MYEF2: variants seen among roughly 807,000 people sequenced by gnomAD.
MYEF2 encodes the protein myelin gene expression factor 2.
Under a neutral mutation model 75.2 loss-of-function variants are expected in MYEF2, and 37 were observed. The ratio of observed to expected loss-of-function variants is 0.49; its 90% CI spans 0.38 to 0.65. The LOEUF is 0.65. MYEF2 is among the 30% of genes least tolerant of loss of function. The pLI, the probability that MYEF2 is intolerant of heterozygous loss-of-function variation, is 0.00. For missense variants in MYEF2, 634 were observed against 771.4 expected, an observed-to-expected ratio of 0.82 and a Z score of 2.11; for synonymous variants, 195 against 241.6, an observed-to-expected ratio of 0.81 and a Z score of 1.79.
chr15:48,162,168 A>G (rs1169517951), intron 5 of MYEF2, among the ~76,000 whole-genome samples: 1 of 152,084 alleles, frequency 6.6e-6, no homozygotes, highest in East Asian at 1.9e-4. Flanking sequence ...ATATGTTGGT[A>G]GCATGGCCTT....
In MYEF2 at chr15:48,149,336, C is replaced by T. The variant is rs1427540927; in HGVS notation, c.1414G>A (p.Gly472Arg). Residue 472 changes from glycine to arginine, a missense_variant, in exon 15 of 17, where the codon GGA becomes AGA. By Grantham distance (125) the Gly-to-Arg change is moderately radical. Transcript: ENST00000324324. The surrounding 1 kb of genome is among the most constrained non-coding windows in gnomAD (Gnocchi z 4.0). ...ATCCGGTCCAGTCCCATCCCCATTC[C>T]TCCAGTCACACTGTTCATGCTACCC... ...GMGSMNSVTG[G>R]MGMGLDRMSS... The T allele has an allele frequency of 6.2e-7, 1 of 1,613,080 alleles. No individual in the cohort carries two copies. Among genetic ancestry groups the T allele is most frequent in the Non-Finnish European group, 8.5e-7 (1 of 1,179,294 alleles).
At chr15:48,160,848 T>C (rs2039913777) in intron 5 of MYEF2, among the ~76,000 whole-genome samples, 1 of 146,256 alleles carries the variant, frequency 6.8e-6, no homozygotes, top group South Asian at 2.3e-4. Flanking sequence ...ACATATTTCT[T>C]CACTATGAAG....
Position 48,142,173 on chromosome 15 carries a change from C to A in MYEF2, c.*735G>T, listed in dbSNP as rs758749486. On this transcript the variant is annotated 3_prime_UTR_variant, in exon 17 of 17. Transcript: ENST00000324324. ...AACAGCAGAGGACTAACTTACATAA[C>A]CATCTCTCTCAACATTTCAATTATT... 1.2e-5 allele frequency: 19 copies of A among 1,613,724 alleles called. No individual in the cohort carries two copies. Among genetic ancestry groups the A allele is most frequent in the Admixed American group, 1.0e-4 (6 of 60,002 alleles).
At chr15:48,150,433 G>T (rs2039448919) in intron 14 of MYEF2, among the ~76,000 whole-genome samples, 1 of 151,902 alleles carries the variant, frequency 6.6e-6, no homozygotes, top group Non-Finnish European at 1.5e-5. Flanking sequence ...ATCAATTAAA[G>T]GAAGTCAATA....
At chr15:48,148,915 G>A in intron 16 of MYEF2, 117 bp downstream of exon 16, 1 of 990,834 alleles carries the variant, frequency 1.0e-6, no homozygotes, top group South Asian at 1.5e-5. Flanking sequence ...ACGCTATCAA[G>A]ACTATCCAGG....
At chr15:48,166,859 T>C (rs1213091488) in intron 3 of MYEF2, among the ~76,000 whole-genome samples, 3 of 152,036 alleles carry the variant, frequency 2.0e-5, no homozygotes, top group Admixed American at 2.0e-4. Context: ...AACCAATTCC[T>C]TCTACGTCAA....
In MYEF2 at chr15:48,135,627, A is replaced by G. The variant is rs2038876326; in HGVS notation, c.*7281T>C. The G allele has an allele frequency of 6.6e-6, 1 of 152,140 alleles. No homozygotes were observed. The highest frequency in any genetic ancestry group is 2.4e-5 in the African/African-American group (1 of 41,400). The allele number at this position is 152,140 out of a possible 1,614,324, so 9.4% of individuals were successfully genotyped here. ...TACTAGGTCCTTCTCACTATGCTAG[A>G]TATCATAAGGGATAATGAAATGTAA... On this transcript the variant is annotated 3_prime_UTR_variant, in exon 17 of 17. Transcript: ENST00000324324.
At chr15:48,174,215 G>T (rs909919087) in intron 1 of MYEF2, among the ~76,000 whole-genome samples, 1 of 151,934 alleles carries the variant, frequency 6.6e-6, no homozygotes, top group Non-Finnish European at 1.5e-5. Context: ...CTTGACAAAG[G>T]CACCAAAAAT....
At chr15:48,169,483 A>G (rs2040245677) in intron 1 of MYEF2, among the ~76,000 whole-genome samples, 1 of 152,228 alleles carries the variant, frequency 6.6e-6, no homozygotes, top group Non-Finnish European at 1.5e-5. Flanking sequence ...TTTAACCTAT[A>G]AACTAGAATA....
At chr15:48,171,058 A>G (rs2040321056) in intron 1 of MYEF2, among the ~76,000 whole-genome samples, 2 of 152,198 alleles carry the variant, frequency 1.3e-5, no homozygotes, top group South Asian at 4.1e-4. Context: ...CTAAATCTAG[A>G]AAGTACCTAC....
chr15:48,139,354 C>A lies in MYEF2; in HGVS notation c.*3554G>T. The stretch of plus-strand genomic sequence containing the variant: ...CAAGATCACTGGAGTTTGTGAGTTG[C>A]ATATTATATATAAACTGTATTTTCC... On this transcript the variant is annotated 3_prime_UTR_variant, in exon 17 of 17. Transcript: ENST00000324324. 3.8e-6 allele frequency: 2 copies of A among 530,940 alleles called. No homozygotes were observed. The highest frequency in any genetic ancestry group is 5.1e-4 in the Middle Eastern group (1 of 1,972). 32.9% of individuals were successfully genotyped at this position (530,940 alleles called of 1,614,324 possible).
At chr15:48,177,826 G>C (rs953559506) in intron 1 of MYEF2, among the ~76,000 whole-genome samples, 3 of 152,220 alleles carry the variant, frequency 2.0e-5, no homozygotes, top group African/African-American at 7.2e-5. Context: ...TCTCGGGCTA[G>C]AAATCAGGGA....
intron 7 of MYEF2, 110 bp downstream of exon 7, chr15:48,158,659 C>T: frequency 7.7e-7 from 1 of 1,300,406 alleles, no homozygotes; most frequent in Non-Finnish European, 1.1e-6. Context: ...TAAAGTCTAA[C>T]ACACATCTCT....
In MYEF2 at chr15:48,142,589, G is replaced by A. The variant is rs925625546; in HGVS notation, c.*319C>T. On this transcript the variant is annotated 3_prime_UTR_variant, in exon 17 of 17. Coordinates refer to ENST00000324324, the MANE Select transcript of MYEF2 (RefSeq NM_016132.5). ...AAATCTATGTTTTACCATACAATAA[G>A]TTGACAAAAACTGGAGAAACTAGAA... The A allele has an allele frequency of 4.4e-6, 2 of 450,180 alleles. No individual in the cohort carries two copies. Among genetic ancestry groups the A allele is most frequent in the African/African-American group, 2.0e-5 (1 of 49,664 alleles). 27.9% of individuals were successfully genotyped at this position (450,180 alleles called of 1,614,324 possible).
chr15:48,159,826 A>C, intron 5 of MYEF2, 22 bp from the exon 6 acceptor site: 2 of 1,584,200 alleles, frequency 1.3e-6, no homozygotes, highest in Non-Finnish European at 1.7e-6. Context: ...ATTGAATGTT[A>C]AATTCCACTA....
chr15:48,158,051 G>C lies in MYEF2; in HGVS notation c.927C>G (p.Asp309Glu). Residue 309 changes from aspartate (D) to glutamate (E), a missense_variant, in exon 9 of 17, where the codon GAC becomes GAG. Physicochemically the swap from Asp to Glu is conservative, Grantham distance 45. Transcript: ENST00000324324. ...FDRPMHVKMDDKSVPHEEYRS... is the reference protein window; with the variant it reads ...FDRPMHVKMDEKSVPHEEYRS... ...GGTACTCTTCATGAGGAACAGACTT[G>C]TCATCCTAATTGCAAGAAAGTTTAT... The C allele has an allele frequency of 1.2e-6, 2 of 1,613,012 alleles. No homozygotes were observed. The highest frequency in any genetic ancestry group is 1.7e-6 in the Non-Finnish European group (2 of 1,179,344).
rs910927645 is a variant in MYEF2, at chr15:48,166,032, T to C, written c.432-6A>G. The stretch of plus-strand genomic sequence containing the variant: ...CATCTTTGAATTCAACCACACTTAA[T>C]AGGGAAAAAATTTATAGGAAATGTT... On this transcript the variant is annotated splice_polypyrimidine_tract_variant and splice_region_variant and intron_variant, in intron 4 of 16. Coordinates refer to ENST00000324324, the MANE Select transcript of MYEF2 (RefSeq NM_016132.5). 5 of 1,581,050 alleles carry C rather than the reference T, an allele frequency of 3.2e-6. No homozygotes were observed. Among genetic ancestry groups the C allele is most frequent in the African/African-American group, 1.4e-5 (1 of 73,208 alleles).
Position 48,138,837 on chromosome 15 carries a change from T to A in MYEF2, c.*4071A>T, listed in dbSNP as rs756364197. Reference sequence around the variant, plus strand: ...TTCACCAGCAATATCAGTAATGAGGTACTCAAATGTTTTAAACAGCCTTTT... The same window carrying A: ...TTCACCAGCAATATCAGTAATGAGGAACTCAAATGTTTTAAACAGCCTTTT... On this transcript the variant is annotated 3_prime_UTR_variant, in exon 17 of 17. Transcript: ENST00000324324. 7.4e-5 allele frequency: 48 copies of A among 646,152 alleles called. No homozygotes were observed. The highest frequency in any genetic ancestry group is 1.3e-4 in the Non-Finnish European group (47 of 369,410). The allele number at this position is 646,152 out of a possible 1,614,324, so 40.0% of individuals were successfully genotyped here. A position where few individuals can be genotyped will look rare whatever the true frequency, so the allele number is the denominator to read the frequency against.
chr15:48,163,133 A>T (rs760816571), intron 5 of MYEF2, among the ~76,000 whole-genome samples: 1 of 152,256 alleles, frequency 6.6e-6, no homozygotes, highest in Non-Finnish European at 1.5e-5. Flanking sequence ...ATGATGAGAA[A>T]GTGAAACAGC....
Sources: gnomAD v4.1 joint callset for allele counts (sites outside exome capture counted in the v4.1 genomes callset) on GRCh38, gnomAD v4.1.1 for gene constraint, Gnocchi (gnomAD v3.1) non-coding constraint, MANE v1.5 for transcripts, NCBI Gene and HGNC (gene_info 2026-07-23, HGNC 2026-07-21) for gene names.